The following SNTG1 variants were observed in gnomAD, a reference collection of about 807,000 sequenced individuals.
SNTG1 encodes the protein syntrophin gamma 1, also known as gamma-1-syntrophin.
Under a neutral mutation model 74.7 loss-of-function variants are expected in SNTG1, and 39 were observed. The observed-to-expected ratio is 0.52, with a 90% CI of 0.40 to 0.68. The LOEUF (loss-of-function observed/expected upper bound fraction) is 0.68, where lower values mean the gene tolerates loss of function less well. SNTG1 is among the 30% of genes least tolerant of loss of function. The pLI is 0.00. For synonymous variants in SNTG1, 254 were observed against 217.1 expected (o/e 1.17, Z -1.49); for missense variants, 685 against 609.5 (o/e 1.12, Z -1.30).
Position 50,658,671 on chromosome 8 carries a change from C to A in SNTG1, c.1038+8C>A, listed in dbSNP as rs1033834933. The A allele has an allele frequency of 3.1e-6, 5 of 1,598,744 alleles. No homozygotes were observed. Among genetic ancestry groups the A allele is most frequent in the South Asian group, 1.1e-5 (1 of 90,124 alleles). ...ATGTGCAAGATCCTCAAGGTATGAT[C>A]AATATGTAGTCAGTATTTGAATGGC... On this transcript the variant is annotated splice_region_variant and intron_variant, in intron 15 of 18. Transcript: ENST00000642720.
In SNTG1 at chr8:50,143,894, C is replaced by A. The variant is rs558764965; in HGVS notation, c.-102-28667C>A. Among the ~76,000 whole-genome samples, 58 of 152,266 alleles carry A rather than the reference C, an allele frequency of 3.8e-4. 1 individual carries two copies. The highest frequency in any genetic ancestry group is 5.9e-4 in the Admixed American group (9 of 15,288). ...TGCTTATTAAAAGTTACATCATATA[C>A]CTTAATCAGTATTAAAAATTAGAAT... On this transcript the variant is annotated intron_variant, in intron 1 of 18. Coordinates refer to ENST00000642720, the MANE Select transcript of SNTG1 (RefSeq NM_018967.5).
intron 2 of SNTG1, among the ~76,000 whole-genome samples, chr8:50,369,650 A>G (rs530360223): frequency 1.3e-5 from 2 of 152,134 alleles, no homozygotes; most frequent in Admixed American, 6.5e-5. Context: ...CTCATTATCT[A>G]CCAAGTGAGG....
chr8:50,558,715 T>C (rs1004344532), intron 12 of SNTG1, among the ~76,000 whole-genome samples: 6 of 151,862 alleles, frequency 4.0e-5, no homozygotes, highest in African/African-American at 1.5e-4. Context: ...ACAAAACAAC[T>C]ACATGATATT....
chr8:50,772,854 G>A (rs1156283660), intron 18 of SNTG1, among the ~76,000 whole-genome samples: 1 of 152,046 alleles, frequency 6.6e-6, no homozygotes, highest in Non-Finnish European at 1.5e-5. Flanking sequence ...CCACAGGAGT[G>A]GTTTGTTAAA....
chr8:50,319,424 ATAC>A (rs2090443049), intron 2 of SNTG1, among the ~76,000 whole-genome samples: 1 of 152,226 alleles, frequency 6.6e-6, no homozygotes, highest in Non-Finnish European at 1.5e-5. Context: ...TTGATGTTTT[ATAC>A]TACAACTTTA....
chr8:50,343,525 A>G (rs1263709618), intron 2 of SNTG1, among the ~76,000 whole-genome samples: 4 of 152,334 alleles, frequency 2.6e-5, no homozygotes, highest in African/African-American at 9.6e-5. Context: ...AACAAAACAA[A>G]GCCAAGCAAA....
In SNTG1 at chr8:50,262,958, G is replaced by A. The variant is rs548923223; in HGVS notation, c.-28+90323G>A. ...GGAAAGAGAGAGATGCATTATCACA[G>A]AAGGGAGAATTTTTAGTGCAGTTAA... On this transcript the variant is annotated intron_variant, in intron 2 of 18. Coordinates refer to ENST00000642720, the MANE Select transcript of SNTG1 (RefSeq NM_018967.5). Among the ~76,000 whole-genome samples the A allele has an allele frequency of 7.2e-5, 11 of 152,246 alleles. No individual in the cohort carries two copies. The South Asian group carries it at 2.3e-3, about 32-fold the overall frequency.
chr8:50,260,526 C>T (rs796627804), intron 2 of SNTG1, among the ~76,000 whole-genome samples: 1 of 128,260 alleles, frequency 7.8e-6, no homozygotes, highest in African/African-American at 2.8e-5. Flanking sequence ...CACACACACA[C>T]AGACACACAC....
chr8:50,769,829 G>A (rs910010906), intron 18 of SNTG1, among the ~76,000 whole-genome samples: 2 of 151,990 alleles, frequency 1.3e-5, no homozygotes, highest in Non-Finnish European at 2.9e-5. Flanking sequence ...TAATTTAAAA[G>A]AGATAAAGCA....
chr8:49,940,083 A>T (rs974236834), intron 1 of SNTG1, among the ~76,000 whole-genome samples: 1 of 152,170 alleles, frequency 6.6e-6, no homozygotes, highest in Admixed American at 6.5e-5. Context: ...TATAATCTGG[A>T]GTCTGTGAAA....
At chr8:50,146,378 C>A (rs1044220142) in intron 1 of SNTG1, among the ~76,000 whole-genome samples, 4 of 151,890 alleles carry the variant, frequency 2.6e-5, no homozygotes, top group African/African-American at 9.7e-5. Context: ...ATTAGCCAGG[C>A]GTGGTGGCGC....
At chr8:50,292,401 G>A (rs550108733) in intron 2 of SNTG1, among the ~76,000 whole-genome samples, 11 of 152,240 alleles carry the variant, frequency 7.2e-5, no homozygotes, top group African/African-American at 1.4e-4. Flanking sequence ...ATGATGCTGC[G>A]GTCCTGAGGA....
At chr8:50,005,468 A>T (rs1220729167) in intron 1 of SNTG1, among the ~76,000 whole-genome samples, 1 of 73,416 alleles carries the variant, frequency 1.4e-5, no homozygotes, top group East Asian at 4.7e-4. Context: ...TACAGGTATT[A>T]CTGCAAAAAA....
At chr8:50,517,616 CA>C (rs1161724778) in intron 9 of SNTG1, among the ~76,000 whole-genome samples, 2,191 of 62,342 alleles carry the variant, frequency 0.035, 20 homozygotes, top group African/African-American at 0.058. Context: ...AAATGGAAAG[CA>C]AAAAAAAAAA....
At chr8:50,783,678 G>T (rs4375010) in intron 18 of SNTG1, among the ~76,000 whole-genome samples, 11 of 152,020 alleles carry the variant, frequency 7.2e-5, no homozygotes, top group Non-Finnish European at 4.4e-5. Flanking sequence ...GCCCTGCTTC[G>T]GCTTGTGCAC....
chr8:50,430,802 A>C (rs2093226061), intron 4 of SNTG1, among the ~76,000 whole-genome samples: 1 of 152,240 alleles, frequency 6.6e-6, no homozygotes, highest in Non-Finnish European at 1.5e-5. Flanking sequence ...ACATGTTCTT[A>C]CAACAGAGAT....
At chr8:50,441,981 A>G (rs976876289) in intron 5 of SNTG1, among the ~76,000 whole-genome samples, 4 of 152,224 alleles carry the variant, frequency 2.6e-5, no homozygotes, top group African/African-American at 9.6e-5. Context: ...ATTCTAAATA[A>G]TAAGAAAAAA....
chr8:50,648,237 C>A (rs999557344), intron 13 of SNTG1, among the ~76,000 whole-genome samples: 1 of 152,194 alleles, frequency 6.6e-6, no homozygotes, highest in African/African-American at 2.4e-5. Flanking sequence ...AAACTGCATA[C>A]AGTGATGATA....
intron 8 of SNTG1, among the ~76,000 whole-genome samples, chr8:50,480,294 T>C (rs2093729740): frequency 6.6e-6 from 1 of 151,566 alleles, no homozygotes; most frequent in African/African-American, 2.4e-5. Flanking sequence ...TTTTCCAACA[T>C]GAACAAATTT....
Sources: allele counts gnomAD v4.1 joint callset (sites outside exome capture counted in the v4.1 genomes callset), GRCh38; gene constraint gnomAD v4.1.1; transcripts MANE v1.5; gene names NCBI Gene and HGNC (gene_info 2026-07-23, HGNC 2026-07-21).